Variants in AFF2 observed in about 807,000 individuals in gnomAD.
AFF2 encodes AF4/FMR2 family member 2.
A neutral mutation model predicts 76.9 loss-of-function variants in AFF2; 14 were observed. The ratio of observed to expected loss-of-function variants is 0.18; its 90% CI spans 0.12 to 0.28. The LOEUF is 0.28. Among genes scored for constraint, AFF2 ranks in the 10% least tolerant of loss-of-function variants. AFF2 has a pLI of 1.00. For synonymous variants in AFF2, 398 were observed against 366.7 expected (o/e 1.09, Z -0.98); for missense variants, 868 against 1,001.1 (o/e 0.87, Z 1.79).
At chrX:148,581,454 GTC>G in intron 1 of AFF2, among the ~76,000 whole-genome samples, 1 of 75,085 alleles carries the variant, frequency 1.3e-5, no homozygotes, top group African/African-American at 5.2e-5. Context: ...ATACGTATAC[GTC>G]TACGTGTACA....
chrX:148,820,789 C>T (rs1254321814), intron 4 of AFF2, among the ~76,000 whole-genome samples: 1 of 111,237 alleles, frequency 9.0e-6, no homozygotes, highest in Admixed American at 9.6e-5. Context: ...CATGTTTACC[C>T]CCTGAACTTA....
chrX:148,950,418 G>T (rs1276928183), intron 9 of AFF2, among the ~76,000 whole-genome samples: 1 of 111,822 alleles, frequency 8.9e-6, no homozygotes, highest in Admixed American at 9.5e-5. Flanking sequence ...TTCCACAAAC[G>T]CTGGCTCTCC....
In AFF2 at chrX:148,973,617, C is replaced by T. The variant is rs782685267; in HGVS notation, c.3404+10C>T. 6 of 1,195,774 alleles carry T rather than the reference C, an allele frequency of 5.0e-6. No homozygotes were observed. The East Asian group carries it at 1.5e-4, about 30-fold the overall frequency. ...CTGTGGAGCTCCTCAGGTGAATAGCCTTTCTGCAATCATCTTCCTACACTC... is the reference window on the plus strand; with the variant it reads ...CTGTGGAGCTCCTCAGGTGAATAGCTTTTCTGCAATCATCTTCCTACACTC... On this transcript the variant is annotated intron_variant, in intron 16 of 20. Transcript: ENST00000370460.
intron 1 of AFF2, among the ~76,000 whole-genome samples, chrX:148,543,435 C>T (rs2052883264): frequency 9.0e-6 from 1 of 111,056 alleles, no homozygotes; most frequent in African/African-American, 3.3e-5. Context: ...CTTGTTCAAC[C>T]TTCACAACTA....
chrX:148,918,817 A>G (rs1232062064), intron 9 of AFF2, among the ~76,000 whole-genome samples: 3 of 111,990 alleles, frequency 2.7e-5, no homozygotes, highest in Admixed American at 1.9e-4. Flanking sequence ...AGAAAAATCC[A>G]GAAAGGATAG....
At chrX:148,749,123 A>G (rs1557266291) in intron 3 of AFF2, among the ~76,000 whole-genome samples, 1 of 112,142 alleles carries the variant, frequency 8.9e-6, no homozygotes, top group Non-Finnish European at 1.9e-5. Context: ...GTTTAGTTAC[A>G]AATACATATT....
intron 9 of AFF2, among the ~76,000 whole-genome samples, chrX:148,943,781 T>C: frequency 8.9e-6 from 1 of 112,118 alleles, no homozygotes; most frequent in Non-Finnish European, 1.9e-5. Flanking sequence ...GAAGACTTCT[T>C]TGTGGCTTTA....
intron 1 of AFF2, among the ~76,000 whole-genome samples, chrX:148,603,454 GGT>G (rs1491385859): frequency 3.0e-5 from 1 of 33,097 alleles, no homozygotes; most frequent in African/African-American, 1.0e-4. Flanking sequence ...TTCATTAGGT[GGT>G]TTTTTTTTTT....
chrX:148,673,995 G>C (rs1315800345), intron 3 of AFF2, among the ~76,000 whole-genome samples: 10 of 112,138 alleles, frequency 8.9e-5, no homozygotes, highest in African/African-American at 3.2e-4. Context: ...TTGTGAGCTA[G>C]AGCTAGGTGG....
intron 9 of AFF2, among the ~76,000 whole-genome samples, chrX:148,946,515 T>C (rs2071902424): frequency 8.8e-6 from 1 of 113,128 alleles, no homozygotes; most frequent in East Asian, 2.8e-4. Flanking sequence ...CCTAGAGTTC[T>C]GGAGGTCAAA....
chrX:148,944,733 T>C (rs1210138404), intron 9 of AFF2, among the ~76,000 whole-genome samples: 1 of 110,531 alleles, frequency 9.0e-6, no homozygotes, highest in Non-Finnish European at 1.9e-5. Flanking sequence ...CCAGTCTTAC[T>C]GGGAACATGC....
intron 8 of AFF2, among the ~76,000 whole-genome samples, chrX:148,890,407 C>T (rs1036522291): frequency 8.9e-6 from 1 of 112,067 alleles, no homozygotes; most frequent in Non-Finnish European, 1.9e-5. Flanking sequence ...GGTGGTTACT[C>T]TTCCTTGTGG....
chrX:148,610,093 G>A (rs1448632170), intron 1 of AFF2, among the ~76,000 whole-genome samples: 2 of 111,735 alleles, frequency 1.8e-5, no homozygotes, highest in East Asian at 2.8e-4. Context: ...TCATAGGATC[G>A]TTTTAAGAAT....
At chrX:148,960,258 C>T (rs1557287857) in intron 12 of AFF2, among the ~76,000 whole-genome samples, 1 of 112,387 alleles carries the variant, frequency 8.9e-6, no homozygotes, top group South Asian at 3.7e-4. Context: ...CTCTGTGTTA[C>T]GTCTTCATGG....
At chrX:148,875,706 C>T (rs1557277801) in intron 7 of AFF2, among the ~76,000 whole-genome samples, 1 of 111,290 alleles carries the variant, frequency 9.0e-6, no homozygotes, top group East Asian at 2.8e-4. Context: ...TCCTTCTCTA[C>T]TTAGCTGTTA....
intron 2 of AFF2, among the ~76,000 whole-genome samples, chrX:148,660,708 G>A (rs145521199): frequency 8.9e-6 from 1 of 112,303 alleles, no homozygotes; most frequent in Non-Finnish European, 1.9e-5. Flanking sequence ...TGGCCCAGTT[G>A]CCAGATGGCT....
intron 4 of AFF2, among the ~76,000 whole-genome samples, chrX:148,816,650 G>A (rs1305322148): frequency 9.0e-6 from 1 of 111,374 alleles, no homozygotes; most frequent in Non-Finnish European, 1.9e-5. Flanking sequence ...AAGTAGGGAA[G>A]GCAGGACTGA....
chrX:148,614,297 ATTG>A (rs1206420478), intron 1 of AFF2, among the ~76,000 whole-genome samples: 1 of 111,709 alleles, frequency 9.0e-6, no homozygotes, highest in Non-Finnish European at 1.9e-5. Flanking sequence ...AATTTCTTGC[ATTG>A]TTGTAGGTGG....
chrX:148,517,670 T>C (rs2124208956), intron 1 of AFF2, among the ~76,000 whole-genome samples: 1 of 111,823 alleles, frequency 8.9e-6, no homozygotes, highest in South Asian at 3.7e-4. Context: ...TATAAAACCC[T>C]GAATTCAACT....
Sources: gnomAD v4.1 joint callset for allele counts (sites outside exome capture counted in the v4.1 genomes callset) on GRCh38, gnomAD v4.1.1 for gene constraint, MANE v1.5 for transcripts, NCBI Gene and HGNC (gene_info 2026-07-23, HGNC 2026-07-21) for gene names.